The following CNTNAP2 variants were observed in gnomAD, a reference collection of about 807,000 sequenced individuals.
The protein encoded by CNTNAP2 is contactin-associated protein-like 2.
CNTNAP2 carries 98 observed loss-of-function variants against 155.2 expected under a neutral mutation model. The observed-to-expected ratio is 0.63, with a 90% CI of 0.54 to 0.75. The LOEUF (loss-of-function observed/expected upper bound fraction) is 0.75. Ranked by LOEUF, CNTNAP2 falls within the 30% of genes least tolerant of loss-of-function variation. CNTNAP2 has a pLI of 0.00. For missense variants in CNTNAP2, 1,727 were observed against 1,688.1 expected (o/e 1.02, Z -0.40); for synonymous variants, 651 against 631.2 (o/e 1.03, Z -0.47).
Position 146,584,258 on chromosome 7 carries a change from A to T in CNTNAP2, c.98-190013A>T, listed in dbSNP as rs144232026. Among the ~76,000 whole-genome samples the T allele has an allele frequency of 6.5e-3, 993 of 152,294 alleles. 7 individuals carry two copies. The highest frequency in any genetic ancestry group is 0.023 in the African/African-American group (950 of 41,568). On this transcript the variant is annotated intron_variant, in intron 1 of 23. Transcript: ENST00000361727. ...GGTTCTTCCATGTTACACTGATACT[A>T]CCATATGACACCCCGAGCTTCAGTT... is the stretch of plus-strand genomic sequence containing the variant.
rs1406041975 is a variant in CNTNAP2 at position 147,238,425 on chromosome 7, A to ACT, written c.1349-61715_1349-61714insTC. On this transcript the variant is annotated intron_variant, in intron 8 of 23. Coordinates refer to ENST00000361727, the MANE Select transcript of CNTNAP2 (RefSeq NM_014141.6). ...CAGACACACACACACACACACACACACAGATTTTATCTGGATATCCTCTAG... is the reference window on the plus strand; with the variant it reads ...CAGACACACACACACACACACACACACTCAGATTTTATCTGGATATCCTCTAG... Among the ~76,000 whole-genome samples the ACT allele has an allele frequency of 2.6e-5, 4 of 151,956 alleles. No homozygotes were observed. The East Asian group carries it at 7.7e-4, about 29-fold the overall frequency.
intron 22 of CNTNAP2, among the ~76,000 whole-genome samples, chr7:148,403,209 C>A (rs938000232): frequency 8.0e-5 from 12 of 150,728 alleles, no homozygotes; most frequent in Admixed American, 6.6e-4. Flanking sequence ...TATGTCCTGC[C>A]TGGCCTGTGC....
Position 148,284,950 on chromosome 7 carries a change from G to A in CNTNAP2, c.3475+17824G>A, listed in dbSNP as rs1457011088. Among the ~76,000 whole-genome samples the A allele has an allele frequency of 3.9e-5, 6 of 152,166 alleles. No individual in the cohort carries two copies. The East Asian group carries it at 7.7e-4, about 20-fold the overall frequency. ...CTCCGGCACTAACATGGCCACATTT[G>A]GGAAGACTGGCATCCCCACAGACTT... On this transcript the variant is annotated intron_variant, in intron 21 of 23. Transcript: ENST00000361727.
intron 1 of CNTNAP2, among the ~76,000 whole-genome samples, chr7:146,637,090 T>C (rs992034964): frequency 6.6e-5 from 10 of 152,152 alleles, no homozygotes; most frequent in African/African-American, 2.2e-4. Context: ...GAAATAGTGG[T>C]TTATTTCTGA....
intron 1 of CNTNAP2, among the ~76,000 whole-genome samples, chr7:146,513,516 C>T (rs1373039185): frequency 6.6e-6 from 1 of 151,490 alleles, no homozygotes; most frequent in Non-Finnish European, 1.5e-5. Flanking sequence ...CTCTTTTAAA[C>T]AAACAACAAT....
At chr7:147,766,559 T>G (rs184551658) in intron 13 of CNTNAP2, among the ~76,000 whole-genome samples, 1 of 152,222 alleles carries the variant, frequency 6.6e-6, no homozygotes, top group East Asian at 1.9e-4. Flanking sequence ...TTGAGTCTGA[T>G]TCATTTATTG....
At chr7:146,602,034 C>CA (rs1359695836) in intron 1 of CNTNAP2, among the ~76,000 whole-genome samples, 3 of 151,912 alleles carry the variant, frequency 2.0e-5, no homozygotes, top group Non-Finnish European at 4.4e-5. Flanking sequence ...TAGGTAAAGA[C>CA]AAATGTTTTA....
chr7:147,728,679 A>C (rs1409236582), intron 13 of CNTNAP2, among the ~76,000 whole-genome samples: 1 of 152,038 alleles, frequency 6.6e-6, no homozygotes, highest in Non-Finnish European at 1.5e-5. Flanking sequence ...AATAATATCT[A>C]ATCAATTTCC....
At chr7:146,646,041 G>A (rs563436369) in intron 1 of CNTNAP2, among the ~76,000 whole-genome samples, 25 of 152,274 alleles carry the variant, frequency 1.6e-4, no homozygotes, top group African/African-American at 6.0e-4. Context: ...AACTTCTAGT[G>A]AAAAGGTTTC....
Position 147,154,822 on chromosome 7 carries a change from C to A in CNTNAP2, c.1348+22313C>A, listed in dbSNP as rs567335226. ...ATACTTGAAGTACAGGTAAATATTTCTCTGATATAGTTTCTGATAGAAAAA... is the reference window on the plus strand; with the variant it reads ...ATACTTGAAGTACAGGTAAATATTTATCTGATATAGTTTCTGATAGAAAAA... On this transcript the variant is annotated intron_variant, in intron 8 of 23. Transcript: ENST00000361727. Among the ~76,000 whole-genome samples the A allele has an allele frequency of 2.0e-5, 3 of 151,460 alleles. No individual in the cohort carries two copies. In the South Asian group the frequency reaches 6.3e-4, roughly 32 times the overall value.
intron 15 of CNTNAP2, among the ~76,000 whole-genome samples, chr7:148,030,669 CTTTTT>C (rs34338936): frequency 4.6e-5 from 6 of 129,542 alleles, no homozygotes; most frequent in Admixed American, 1.5e-4. Context: ...TTATCCAGCT[CTTTTT>C]TTTTTTTTTT....
chr7:147,746,240 C>A (rs1236643504), intron 13 of CNTNAP2, among the ~76,000 whole-genome samples: 3 of 152,088 alleles, frequency 2.0e-5, no homozygotes, highest in Non-Finnish European at 4.4e-5. Flanking sequence ...CTCTCTGATC[C>A]CCAATCTGTT....
chr7:147,444,815 C>T (rs1797704585), intron 10 of CNTNAP2, among the ~76,000 whole-genome samples: 1 of 152,132 alleles, frequency 6.6e-6, no homozygotes, highest in South Asian at 2.1e-4. Context: ...TATCACACTG[C>T]TATAAAGAAC....
intron 11 of CNTNAP2, among the ~76,000 whole-genome samples, chr7:147,497,910 T>G (rs979954975): frequency 6.6e-6 from 1 of 152,220 alleles, no homozygotes; most frequent in Non-Finnish European, 1.5e-5. Context: ...TTCTTTAAAT[T>G]AAGCTGACTT....
At chr7:147,904,386 C>G (rs1799924213) in intron 14 of CNTNAP2, among the ~76,000 whole-genome samples, 1 of 152,216 alleles carries the variant, frequency 6.6e-6, no homozygotes, top group Non-Finnish European at 1.5e-5. Context: ...ATAAGATCAG[C>G]TGCCATTCTT....
intron 20 of CNTNAP2, among the ~76,000 whole-genome samples, chr7:148,246,868 G>A (rs192667973): frequency 2.0e-4 from 31 of 152,294 alleles, no homozygotes; most frequent in African/African-American, 7.5e-4. Flanking sequence ...TAGACTCACA[G>A]GGAGTCAGGA....
intron 2 of CNTNAP2, among the ~76,000 whole-genome samples, chr7:146,823,595 C>A (rs1221466772): frequency 1.4e-5 from 2 of 147,540 alleles, no homozygotes; most frequent in Non-Finnish European, 3.0e-5. Context: ...AGTATATTTA[C>A]ATGGAAATAT....
intron 1 of CNTNAP2, among the ~76,000 whole-genome samples, chr7:146,511,254 C>T (rs767290006): frequency 2.6e-5 from 4 of 152,158 alleles, no homozygotes; most frequent in Non-Finnish European, 4.4e-5. Context: ...TTGATTTCTT[C>T]ATTCCCAGTT....
intron 1 of CNTNAP2, among the ~76,000 whole-genome samples, chr7:146,460,485 T>C (rs549162429): frequency 6.6e-4 from 101 of 152,318 alleles, no homozygotes; most frequent in African/African-American, 2.2e-3. Flanking sequence ...TCCATGTTTA[T>C]TGAAGCACTG....
Sources: allele counts gnomAD v4.1 joint callset (sites outside exome capture counted in the v4.1 genomes callset), GRCh38; gene constraint gnomAD v4.1.1; transcripts MANE v1.5; gene names NCBI Gene and HGNC (gene_info 2026-07-23, HGNC 2026-07-21).